ANK3: variants seen among roughly 807,000 people sequenced by gnomAD.
ANK3 encodes the protein ankyrin 3.
A neutral mutation model predicts 370.9 loss-of-function variants in ANK3; 57 were observed. The ratio of observed to expected loss-of-function variants is 0.15; its 90% CI spans 0.12 to 0.19. ANK3 has a LOEUF of 0.19. Ranked by LOEUF, ANK3 falls within the 10% of genes least tolerant of loss-of-function variation. The pLI, the probability that ANK3 is intolerant of heterozygous loss-of-function variation, is 1.00. For missense variants in ANK3, 4,439 were observed against 5,302.1 expected, an observed-to-expected ratio of 0.84 and a Z score of 5.06; for synonymous variants, 1,929 against 1,946.3, an observed-to-expected ratio of 0.99 and a Z score of 0.23.
chr10:60,200,527 G>A lies in ANK3; in HGVS notation c.1393-300C>T, dbSNP rs186328854. Among the ~76,000 whole-genome samples, 361 of 152,182 alleles carry A rather than the reference G, an allele frequency of 2.4e-3. 1 individual carries two copies. Among genetic ancestry groups the A allele is most frequent in the South Asian group, 0.022 (104 of 4,810 alleles). On this transcript the variant is annotated intron_variant, in intron 12 of 43. Transcript: ENST00000280772. ...GTCAGTGCTCATAGGAGCCAAGCAGGGGGGTGAGTGAGTGCAGCTGGGCAG... is the reference window on the plus strand; with the variant it reads ...GTCAGTGCTCATAGGAGCCAAGCAGAGGGGTGAGTGAGTGCAGCTGGGCAG...
chr10:60,109,447 C>T (rs1348689812), intron 26 of ANK3, among the ~76,000 whole-genome samples: 1 of 152,150 alleles, frequency 6.6e-6, no homozygotes, highest in Non-Finnish European at 1.5e-5. Flanking sequence ...TTGCCATATG[C>T]TGCCATATGG....
chr10:60,298,702 T>C (rs2043051963), intron 1 of ANK3, among the ~76,000 whole-genome samples: 1 of 152,184 alleles, frequency 6.6e-6, no homozygotes, highest in Admixed American at 6.5e-5. Context: ...AGTTGATATA[T>C]TCTGACAGGA....
intron 2 of ANK3, among the ~76,000 whole-genome samples, chr10:60,576,785 A>G (rs2077687828): frequency 6.6e-6 from 1 of 152,228 alleles, no homozygotes; most frequent in Non-Finnish European, 1.5e-5. Context: ...GAATCTTTAG[A>G]GCTAAGTGAA....
intron 2 of ANK3, among the ~76,000 whole-genome samples, chr10:60,406,487 A>G (rs996966430): frequency 7.9e-5 from 12 of 152,198 alleles, no homozygotes; most frequent in Non-Finnish European, 1.8e-4. Context: ...AGCGATCTAG[A>G]TCCCTCACAT....
rs1393545738 is a variant in ANK3 at position 60,355,582 on chromosome 10, T to C, written c.114+33843A>G. ...AATAGTTTGGAAAACATTGCTCTCA[T>C]TGAGGAAAAAGACAAGCTGGCTGAA... On this transcript the variant is annotated intron_variant, in intron 1 of 43. Transcript: ENST00000280772. 3.9e-5 allele frequency among the ~76,000 whole-genome samples: 6 copies of C among 152,266 alleles called. No homozygotes were observed. The East Asian group carries it at 5.8e-4, about 15-fold the overall frequency.
intron 1 of ANK3, among the ~76,000 whole-genome samples, chr10:60,314,339 T>C (rs1164157422): frequency 6.6e-6 from 1 of 152,344 alleles, no homozygotes; most frequent in East Asian, 1.9e-4. Context: ...GTCATTGTTA[T>C]TCATTTTATA....
intron 43 of ANK3, among the ~76,000 whole-genome samples, chr10:60,040,338 A>G (rs1168298348): frequency 6.6e-6 from 1 of 151,922 alleles, no homozygotes; most frequent in African/African-American, 2.4e-5. Flanking sequence ...AAAACTCTCA[A>G]TATATTTGCA....
At chr10:60,720,632 G>T (rs1280379502) in intron 1 of ANK3, among the ~76,000 whole-genome samples, 2 of 152,092 alleles carry the variant, frequency 1.3e-5, no homozygotes, top group Non-Finnish European at 1.5e-5. Context: ...TTCAGACAGG[G>T]TCTTGCTCTG....
chr10:60,538,358 C>T (rs2076769839), intron 2 of ANK3, among the ~76,000 whole-genome samples: 1 of 151,824 alleles, frequency 6.6e-6, no homozygotes. Context: ...AAAGCCAAAT[C>T]CTCCCAGTTA....
intron 17 of ANK3, among the ~76,000 whole-genome samples, chr10:60,182,510 T>C (rs930967550): frequency 1.3e-5 from 2 of 152,208 alleles, no homozygotes; most frequent in African/African-American, 4.8e-5. Flanking sequence ...GTGTTAGTAC[T>C]TTCAGATTTT....
At chr10:60,463,136 T>A (rs1472134630) in intron 2 of ANK3, among the ~76,000 whole-genome samples, 1 of 152,140 alleles carries the variant, frequency 6.6e-6, no homozygotes, top group Non-Finnish European at 1.5e-5. Context: ...AGTCCTGGTA[T>A]CCAGTGATCC....
intron 2 of ANK3, among the ~76,000 whole-genome samples, chr10:60,528,138 T>TG (rs1491344932): frequency 9.2e-6 from 1 of 109,086 alleles, no homozygotes; most frequent in African/African-American, 3.2e-5. Context: ...CTTCTTCTTC[T>TG]TTTTTTTTTT....
At chr10:60,063,833 T>A (rs2081099333) in intron 39 of ANK3, among the ~76,000 whole-genome samples, 1 of 152,218 alleles carries the variant, frequency 6.6e-6, no homozygotes, top group Non-Finnish European at 1.5e-5. Flanking sequence ...CTTCGGAGTG[T>A]TTCTGATGAC....
intron 2 of ANK3, among the ~76,000 whole-genome samples, chr10:60,406,230 C>T (rs540947533): frequency 1.1e-4 from 16 of 152,238 alleles, no homozygotes; most frequent in South Asian, 4.2e-4. Flanking sequence ...ATAGATGATA[C>T]GTAAATGGAC....
Position 60,139,017 on chromosome 10 carries a change from A to G in ANK3, c.2685T>C (p.Asp895=), listed in dbSNP as rs2132207631. 1.2e-6 allele frequency: 2 copies of G among 1,613,854 alleles called. No homozygotes were observed. Among genetic ancestry groups the G allele is most frequent in the South Asian group, 2.2e-5 (2 of 91,058 alleles). The change falls in exon 24 of 44, where the codon GAT becomes GAC. Residue 895 remains aspartate, a synonymous_variant. Transcript: ENST00000280772. ...CCATGTAACCCTCTGCAGGCAGGGA[A>G]TCATCACCCAATTCCTTAAGGTCCT... The part of the protein sequence containing the change: ...GPQDLKELGD[D]SLPAEGYMGF...
rs2072817818 is a variant in ANK3, at chr10:60,029,659, G to A, written c.*187C>T. ...TTCCATGCTCTGTAAATTGGCTCAT[G>A]CTAAATTAAAATGTGGGTGGTTTTC... On this transcript the variant is annotated 3_prime_UTR_variant, in exon 44 of 44. Transcript: ENST00000280772. The A allele has an allele frequency of 6.6e-6, 1 of 152,356 alleles. No individual in the cohort carries two copies. Among genetic ancestry groups the A allele is most frequent in the Non-Finnish European group, 1.5e-5 (1 of 68,000 alleles). The allele number at this position is 152,356 out of a possible 1,614,324, so 9.4% of individuals were successfully genotyped here. A position where few individuals can be genotyped will look rare whatever the true frequency, so the allele number is the denominator to read the frequency against.
Position 60,083,809 on chromosome 10 carries a change from C to A in ANK3, c.4075-192G>T, listed in dbSNP as rs2393596. On this transcript the variant is annotated intron_variant, in intron 32 of 43. Coordinates refer to ENST00000280772, the MANE Select transcript of ANK3 (RefSeq NM_020987.5). ...ACAACTCACCAACTGTAATTGGAAT[C>A]CATATCATGGACATATACAGAACAG... is the stretch of plus-strand genomic sequence containing the variant. 0.27 allele frequency: 140,597 copies of A among 513,902 alleles called. 24,141 individuals are homozygous for A. Among genetic ancestry groups the A allele is most frequent in the East Asian group, 0.74 (21,928 of 29,570 alleles). The allele number at this position is 513,902 out of a possible 1,614,324, so 31.8% of individuals were successfully genotyped here.
At position 60,626,010 on chromosome 10, in the gene ANK3, T is replaced by TGAACAAGAAAAGAAAAAA. The variant is rs528564389; in HGVS notation, c.58-10804_58-10787dup. Reference sequence around the variant, plus strand: ...AATAAGGGTTCTTATATTTCTTTATTGAACAAGAAAAGAAAAAAGAACAAG... The same window carrying TGAACAAGAAAAGAAAAAA: ...AATAAGGGTTCTTATATTTCTTTATTGAACAAGAAAAGAAAAAAGAACAAGAAAAGAAAAAAGAACAAG... On this transcript the variant is annotated intron_variant, in intron 1 of 43. Transcript: ENST00000373827. 2.0e-3 allele frequency among the ~76,000 whole-genome samples: 300 copies of TGAACAAGAAAAGAAAAAA among 152,290 alleles called. 1 individual carries two copies. The highest frequency in any genetic ancestry group is 6.9e-3 in the African/African-American group (285 of 41,556).
chr10:60,345,496 T>G (rs1440992965), intron 1 of ANK3, among the ~76,000 whole-genome samples: 1 of 152,204 alleles, frequency 6.6e-6, no homozygotes, highest in Non-Finnish European at 1.5e-5. Flanking sequence ...TTTCTTCAGA[T>G]AGATTCTCAG....
Sources: gnomAD v4.1 joint callset for allele counts (sites outside exome capture counted in the v4.1 genomes callset) on GRCh38, gnomAD v4.1.1 for gene constraint, MANE v1.5 for transcripts, NCBI Gene and HGNC (gene_info 2026-07-23, HGNC 2026-07-21) for gene names.